Variants in SCAF8 observed in about 807,000 individuals in gnomAD.
The protein encoded by SCAF8 is SR-related CTD associated factor 8, also known as SR-related and CTD-associated factor 8.
Under a neutral mutation model 140.5 loss-of-function variants are expected in SCAF8, and 23 were observed. The ratio of observed to expected loss-of-function variants is 0.16; its 90% CI spans 0.12 to 0.23. SCAF8 has a LOEUF of 0.23. SCAF8 is among the 10% of genes least tolerant of loss of function. The probability of loss-of-function intolerance (pLI) is 1.00; values close to 1 mark genes in which losing one functional copy is unlikely to be tolerated. For synonymous variants in SCAF8, 575 were observed against 528.9 expected, an observed-to-expected ratio of 1.09 and a Z score of -1.20; for missense variants, 1,397 against 1,555.7, an observed-to-expected ratio of 0.90 and a Z score of 1.72.
chr6:154,753,095 G>A (rs761019471), intron 1 of SCAF8, among the ~76,000 whole-genome samples: 3 of 151,810 alleles, frequency 2.0e-5, no homozygotes, highest in Non-Finnish European at 4.4e-5. Context: ...TTGGGAGGCC[G>A]AGGTGGGCAG....
At chr6:154,771,423 A>G (rs933234005) in intron 1 of SCAF8, among the ~76,000 whole-genome samples, 3 of 152,204 alleles carry the variant, frequency 2.0e-5, no homozygotes, top group Non-Finnish European at 4.4e-5. Flanking sequence ...TGTGTCTAGA[A>G]TAGAAGGCTG....
intron 1 of SCAF8, among the ~76,000 whole-genome samples, chr6:154,766,172 A>T (rs182762532): frequency 6.6e-6 from 1 of 152,236 alleles, no homozygotes; most frequent in East Asian, 1.9e-4. Context: ...CCTTGTCTTC[A>T]TGTTGAGTAG....
intron 1 of SCAF8, among the ~76,000 whole-genome samples, chr6:154,764,008 C>G (rs1282267557): frequency 6.6e-6 from 1 of 152,134 alleles, no homozygotes; most frequent in Non-Finnish European, 1.5e-5. Flanking sequence ...CTTTTGAGAT[C>G]TTGATTAGAG....
chr6:154,768,868 G>A (rs1776656334), intron 1 of SCAF8, among the ~76,000 whole-genome samples: 1 of 152,080 alleles, frequency 6.6e-6, no homozygotes, highest in Admixed American at 6.6e-5. Flanking sequence ...TTTGAGACCA[G>A]CCTAGCCAAC....
At chr6:154,799,635 A>G (rs1021436970) in intron 6 of SCAF8, among the ~76,000 whole-genome samples, 9 of 151,044 alleles carry the variant, frequency 6.0e-5, no homozygotes, top group African/African-American at 2.2e-4. Flanking sequence ...GTTGTTTCTT[A>G]AATAAACTAC....
At chr6:154,819,955 C>T (rs1475557439) in intron 14 of SCAF8, among the ~76,000 whole-genome samples, 1 of 152,172 alleles carries the variant, frequency 6.6e-6, no homozygotes, top group African/African-American at 2.4e-5. Flanking sequence ...TGCCACTGCA[C>T]TCCAGCCTGG....
chr6:154,817,090 T>C (rs917558446), intron 13 of SCAF8, among the ~76,000 whole-genome samples: 6 of 152,326 alleles, frequency 3.9e-5, no homozygotes, highest in African/African-American at 1.4e-4. Context: ...TCATATACTT[T>C]CTCTGAAGTT....
At chr6:154,789,047 A>G (rs537148802) in intron 4 of SCAF8, among the ~76,000 whole-genome samples, 16 of 152,340 alleles carry the variant, frequency 1.1e-4, no homozygotes, top group African/African-American at 3.4e-4. Flanking sequence ...GTTATTTTTC[A>G]TAACTATTAT....
At chr6:154,783,259 A>G (rs1777137585) in intron 3 of SCAF8, among the ~76,000 whole-genome samples, 1 of 152,188 alleles carries the variant, frequency 6.6e-6, no homozygotes, top group Admixed American at 6.5e-5. Flanking sequence ...TACTACAAGC[A>G]AATGTGTCTA....
intron 12 of SCAF8, among the ~76,000 whole-genome samples, chr6:154,813,767 A>G (rs1487827470): frequency 6.6e-6 from 1 of 152,184 alleles, no homozygotes; most frequent in Non-Finnish European, 1.5e-5. Flanking sequence ...ACGGGTACAT[A>G]AGAGGGAAGC....
At chr6:154,757,380 G>A (rs1246505876) in intron 1 of SCAF8, among the ~76,000 whole-genome samples, 2 of 152,064 alleles carry the variant, frequency 1.3e-5, no homozygotes, top group Non-Finnish European at 2.9e-5. Context: ...AAGTTCTGAG[G>A]GAAAAATTAA....
chr6:154,812,581 T>G (rs905236318), intron 12 of SCAF8, among the ~76,000 whole-genome samples: 3 of 152,186 alleles, frequency 2.0e-5, no homozygotes, highest in African/African-American at 7.2e-5. Flanking sequence ...AGTATCAATT[T>G]CCTGTGGTTT....
intron 1 of SCAF8, among the ~76,000 whole-genome samples, chr6:154,744,153 C>T (rs1368749975): frequency 1.3e-5 from 2 of 152,012 alleles, no homozygotes; most frequent in Non-Finnish European, 2.9e-5. Context: ...ATTAGCCAGG[C>T]GTGGTGGCGT....
intron 19 of SCAF8, among the ~76,000 whole-genome samples, chr6:154,831,711 A>T (rs1473530721): frequency 3.9e-4 from 7 of 18,044 alleles, no homozygotes; most frequent in African/African-American, 9.1e-4. Context: ...CTTAAAAAAA[A>T]AAAAAAAAAA....
chr6:154,796,337 C>T (rs1777601665), intron 6 of SCAF8, among the ~76,000 whole-genome samples: 1 of 146,840 alleles, frequency 6.8e-6, no homozygotes, highest in African/African-American at 2.6e-5. Context: ...TATAATGATT[C>T]AGCATTGCAA....
chr6:154,742,692 A>G (rs1778601098), intron 1 of SCAF8, among the ~76,000 whole-genome samples: 1 of 152,210 alleles, frequency 6.6e-6, no homozygotes, highest in South Asian at 2.1e-4. Context: ...ATGTAAATGT[A>G]TTAAAATACC....
chr6:154,775,076 C>T (rs778629300), intron 2 of SCAF8, among the ~76,000 whole-genome samples: 3 of 152,140 alleles, frequency 2.0e-5, no homozygotes, highest in Admixed American at 6.5e-5. Flanking sequence ...TTTTAAATAA[C>T]AGCAGTGTAT....
chr6:154,832,585 A>G lies in SCAF8; in HGVS notation c.3006A>G (p.Pro1002=). 2 of 1,614,180 alleles carry G rather than the reference A, an allele frequency of 1.2e-6. No homozygotes were observed. Among genetic ancestry groups the G allele is most frequent in the Non-Finnish European group, 1.7e-6 (2 of 1,180,010 alleles). ...DNVTNPEKRI[P]LGNDNIQQEG... ...TTACTAACCCAGAAAAAAGGATACC[A>G]CTTGGGAATGATAACATTCAACAGG... Residue 1002 remains proline (P), a synonymous_variant, in exon 20 of 20, where the codon CCA becomes CCG. Transcript: ENST00000367178.
chr6:154,773,804 T>G (rs574651162), intron 1 of SCAF8, among the ~76,000 whole-genome samples, 185 bp from the exon 2 acceptor site: 34 of 152,220 alleles, frequency 2.2e-4, no homozygotes, highest in Non-Finnish European at 3.8e-4. Flanking sequence ...AGCAAGTAAG[T>G]GTGAAGTGGT....
Sources: gnomAD v4.1 joint callset for allele counts (sites outside exome capture counted in the v4.1 genomes callset) on GRCh38, gnomAD v4.1.1 for gene constraint, MANE v1.5 for transcripts, NCBI Gene and HGNC (gene_info 2026-07-23, HGNC 2026-07-21) for gene names.